PACSIN2: variants seen among roughly 807,000 people sequenced by gnomAD.
PACSIN2 encodes the protein protein kinase C and casein kinase substrate in neurons 2.
Under a neutral mutation model 63.8 loss-of-function variants are expected in PACSIN2, and 25 were observed. That is an observed-to-expected ratio of 0.39 (90% CI 0.29 to 0.55). PACSIN2 has a LOEUF of 0.55. Among genes scored for constraint, PACSIN2 ranks in the 20% least tolerant of loss-of-function variants. The pLI, the probability that PACSIN2 is intolerant of heterozygous loss-of-function variation, is 0.62. For synonymous variants in PACSIN2, 255 were observed against 256.2 expected (o/e 1.00, Z 0.05); for missense variants, 518 against 646.9 (o/e 0.80, Z 2.16).
intron 1 of PACSIN2, among the ~76,000 whole-genome samples, chr22:42,946,258 G>C (rs1933415484): frequency 6.6e-6 from 1 of 152,208 alleles, no homozygotes; most frequent in African/African-American, 2.4e-5. Context: ...AGGGTCTCCA[G>C]AAGTATGGGT....
At chr22:42,890,915 G>A (rs1368276819) in intron 4 of PACSIN2, 32 bp downstream of exon 4, 1 of 1,582,102 alleles carries the variant, frequency 6.3e-7, no homozygotes, top group African/African-American at 1.3e-5. Flanking sequence ...GCAGAGCAAG[G>A]CCGGGCAGGG....
chr22:42,898,324 T>C (rs980803704), intron 2 of PACSIN2, among the ~76,000 whole-genome samples: 7 of 151,198 alleles, frequency 4.6e-5, no homozygotes, highest in South Asian at 2.1e-4. Flanking sequence ...CAGGCTGGAG[T>C]GCAATGGTGC....
chr22:42,873,667 G>C (rs528673893), intron 10 of PACSIN2, among the ~76,000 whole-genome samples: 11 of 152,356 alleles, frequency 7.2e-5, no homozygotes, highest in African/African-American at 2.6e-4. Flanking sequence ...TTCCCTCTTG[G>C]AGTGGTAGAT....
At chr22:42,889,372 T>TTACACACACACATA (rs56372523) in intron 4 of PACSIN2, among the ~76,000 whole-genome samples, 1 of 102,488 alleles carries the variant, frequency 9.8e-6, no homozygotes, top group Non-Finnish European at 2.0e-5. Flanking sequence ...TTAATGGTTT[T>TTACACACACACATA]TACACACACA....
chr22:42,895,092 C>T (rs961511999), intron 2 of PACSIN2, among the ~76,000 whole-genome samples: 4 of 152,214 alleles, frequency 2.6e-5, no homozygotes, highest in African/African-American at 9.6e-5. Context: ...AGACTTCCGG[C>T]TCTACTCATT....
At chr22:42,964,729 T>C (rs985752098) in intron 1 of PACSIN2, among the ~76,000 whole-genome samples, 22 of 152,066 alleles carry the variant, frequency 1.4e-4, no homozygotes, top group Non-Finnish European at 1.5e-5. Flanking sequence ...ACGACAAAGT[T>C]AGACAAAAGA....
chr22:42,952,551 G>A (rs62231607), intron 1 of PACSIN2, among the ~76,000 whole-genome samples: 4 of 151,948 alleles, frequency 2.6e-5, no homozygotes, highest in Admixed American at 2.0e-4. Flanking sequence ...TAGTAGAGAC[G>A]GGTTTTCACA....
intron 1 of PACSIN2, among the ~76,000 whole-genome samples, chr22:42,971,412 A>G (rs1379241442): frequency 6.6e-6 from 1 of 152,158 alleles, no homozygotes; most frequent in Admixed American, 6.5e-5. Flanking sequence ...GCTGGAGTGC[A>G]GTGGCGTGAT....
chr22:42,900,080 C>T (rs1930570585), intron 2 of PACSIN2, among the ~76,000 whole-genome samples: 2 of 152,138 alleles, frequency 1.3e-5, no homozygotes, highest in South Asian at 2.1e-4. Flanking sequence ...CCCACGCAGG[C>T]TTCCCTGATG....
intron 1 of PACSIN2, among the ~76,000 whole-genome samples, chr22:43,001,615 T>G (rs1923773325): frequency 6.6e-6 from 1 of 152,264 alleles, no homozygotes; most frequent in African/African-American, 2.4e-5. Context: ...GACACTTGTA[T>G]GCCTGTGCTG....
At chr22:42,893,690 C>T (rs1443719156) in intron 2 of PACSIN2, 77 bp from the exon 3 acceptor site, 12 of 1,472,998 alleles carry the variant, frequency 8.1e-6, no homozygotes, top group East Asian at 2.3e-5. Context: ...GGCCTCCATG[C>T]CAACCAGGCC....
intron 1 of PACSIN2, among the ~76,000 whole-genome samples, chr22:42,937,702 C>T (rs141010635): frequency 6.6e-6 from 1 of 152,286 alleles, no homozygotes; most frequent in Admixed American, 6.5e-5. Flanking sequence ...CTCGGCTCTC[C>T]CTCAGACTCA....
intron 1 of PACSIN2, among the ~76,000 whole-genome samples, chr22:42,939,983 A>C (rs1216459534): frequency 6.6e-6 from 1 of 152,208 alleles, no homozygotes; most frequent in East Asian, 1.9e-4. Flanking sequence ...TACTGAATGA[A>C]GGAAAATTCT....
rs374699895 is a variant in PACSIN2 at position 42,942,021 on chromosome 22, C to T, written c.-77-29864G>A. Among the ~76,000 whole-genome samples the T allele has an allele frequency of 3.3e-5, 5 of 152,256 alleles. No individual in the cohort carries two copies. In the East Asian group the frequency reaches 7.7e-4, roughly 24 times the overall value. ...CGAACTCTTGACCTCAGGTGATCTG[C>T]CCGCCTCTGCCTCCCAAAGTGCTGG... On this transcript the variant is annotated intron_variant, in intron 1 of 10. Transcript: ENST00000263246.
At chr22:42,940,758 A>C (rs1010251029) in intron 1 of PACSIN2, among the ~76,000 whole-genome samples, 9 of 152,210 alleles carry the variant, frequency 5.9e-5, no homozygotes, top group Non-Finnish European at 8.8e-5. Context: ...AAAGAATAAA[A>C]TTCTGGGTAT....
At chr22:43,011,649 G>T (rs1286536467) in intron 1 of PACSIN2, among the ~76,000 whole-genome samples, 1 of 152,206 alleles carries the variant, frequency 6.6e-6, no homozygotes, top group African/African-American at 2.4e-5. Context: ...GGCCGAGGCG[G>T]GCAGATCACT....
intron 5 of PACSIN2, 115 bp downstream of exon 5, chr22:42,888,528 G>T (rs1929656626): frequency 9.6e-7 from 1 of 1,041,376 alleles, no homozygotes; most frequent in East Asian, 2.4e-5. Flanking sequence ...TGTTTTATTG[G>T]TTATTTATCC....
chr22:42,900,700 C>T (rs1930625368), intron 2 of PACSIN2, among the ~76,000 whole-genome samples: 1 of 152,260 alleles, frequency 6.6e-6, no homozygotes, highest in Non-Finnish European at 1.5e-5. Context: ...TTTCAAACTC[C>T]TAGGCTCAAG....
At chr22:42,925,463 G>C (rs959261105) in intron 1 of PACSIN2, among the ~76,000 whole-genome samples, 1 of 149,906 alleles carries the variant, frequency 6.7e-6, no homozygotes, top group Non-Finnish European at 1.5e-5. Context: ...CTGGGCGACA[G>C]AGCAAGACTC....
Sources: allele counts gnomAD v4.1 joint callset (sites outside exome capture counted in the v4.1 genomes callset), GRCh38; gene constraint gnomAD v4.1.1; transcripts MANE v1.5; gene names NCBI Gene and HGNC (gene_info 2026-07-23, HGNC 2026-07-21).